MSH3: variants seen among roughly 807,000 people sequenced by gnomAD.
The protein encoded by MSH3 is mutS homolog 3, also known as DNA mismatch repair protein Msh3.
Under a neutral mutation model 123.3 loss-of-function variants are expected in MSH3, and 106 were observed. The ratio of observed to expected loss-of-function variants is 0.86; its 90% CI spans 0.73 to 1.01. MSH3 has a LOEUF of 1.01. MSH3 is among the 50% of genes least tolerant of loss of function. The pLI, the probability that MSH3 is intolerant of heterozygous loss-of-function variation, is 0.00. For synonymous variants in MSH3, 515 were observed against 481.4 expected, an observed-to-expected ratio of 1.07 and a Z score of -0.91; for missense variants, 1,459 against 1,347.6, an observed-to-expected ratio of 1.08 and a Z score of -1.29.
intron 21 of MSH3, among the ~76,000 whole-genome samples, chr5:80,863,045 G>A (rs993233571): frequency 6.6e-6 from 1 of 152,118 alleles, no homozygotes; most frequent in Non-Finnish European, 1.5e-5. Flanking sequence ...AAGGGAAAAG[G>A]TATAGTGAAG....
chr5:80,776,663 G>A (rs962440270), intron 16 of MSH3, among the ~76,000 whole-genome samples: 8 of 151,732 alleles, frequency 5.3e-5, no homozygotes, highest in African/African-American at 1.9e-4. Flanking sequence ...AAGGTATTAG[G>A]GAAGTATATA....
At chr5:80,687,053 A>G (rs1750107859) in intron 8 of MSH3, among the ~76,000 whole-genome samples, 1 of 152,178 alleles carries the variant, frequency 6.6e-6, no homozygotes, top group South Asian at 2.1e-4. Flanking sequence ...GTACAGGTTT[A>G]TTTACTTTGT....
intron 10 of MSH3, among the ~76,000 whole-genome samples, chr5:80,733,866 A>G (rs1267063625): frequency 6.6e-6 from 1 of 152,190 alleles, no homozygotes; most frequent in Non-Finnish European, 1.5e-5. Flanking sequence ...CATTGCCAAT[A>G]GGACTATAAA....
At chr5:80,809,924 C>T (rs887474623) in intron 19 of MSH3, among the ~76,000 whole-genome samples, 2 of 151,722 alleles carry the variant, frequency 1.3e-5, no homozygotes, top group Non-Finnish European at 2.9e-5. Context: ...TGATTTCAGC[C>T]AATGAAAAAG....
In MSH3 at chr5:80,864,916, G is replaced by A. The variant is rs763246818; in HGVS notation, c.3104G>A (p.Ser1035Asn). Residue 1035 changes from serine (S) to asparagine (N), a missense_variant, in exon 22 of 24, where the codon AGT becomes AAT. Physicochemically the swap from Ser to Asn is conservative, Grantham distance 46. Coordinates refer to ENST00000265081, the MANE Select transcript of MSH3 (RefSeq NM_002439.5). ...AATTACCACATGGGATTCTTGGTCA[G>A]TGAGGATGAAAGCAAACTGGATCCA... ...VGNYHMGFLV[S>N]EDESKLDPGA... is the part of the protein sequence containing the mutation. 3 of 1,613,990 alleles carry A rather than the reference G, an allele frequency of 1.9e-6. No homozygotes were observed. The highest frequency in any genetic ancestry group is 2.5e-6 in the Non-Finnish European group (3 of 1,179,870).
At chr5:80,781,312 G>A (rs1744405443) in intron 17 of MSH3, among the ~76,000 whole-genome samples, 1 of 151,932 alleles carries the variant, frequency 6.6e-6, no homozygotes, top group Admixed American at 6.6e-5. Context: ...ATTTGGTGAG[G>A]TAATTTCATG....
At chr5:80,815,652 G>A (rs1745088601) in intron 20 of MSH3, among the ~76,000 whole-genome samples, 1 of 152,130 alleles carries the variant, frequency 6.6e-6, no homozygotes, top group Non-Finnish European at 1.5e-5. Flanking sequence ...AAAAGGAGAA[G>A]GGACTGCCAT....
In MSH3 at chr5:80,744,646, C is replaced by A. The variant is rs745916464; in HGVS notation, c.1763+31C>A. The A allele has an allele frequency of 1.3e-6, 2 of 1,503,798 alleles. No homozygotes were observed. The highest frequency in any genetic ancestry group is 1.8e-6 in the Non-Finnish European group (2 of 1,084,450). 93.2% of individuals were successfully genotyped at this position (1,503,798 alleles called of 1,614,324 possible). ...AGGAATTCTTTTTGGGGTGTTTAAT[C>A]TGAAATTATAAAATTTTGAAATTAA... On this transcript the variant is annotated intron_variant, in intron 12 of 23. Transcript: ENST00000265081.
At chr5:80,765,272 T>C (rs1321859672) in intron 13 of MSH3, among the ~76,000 whole-genome samples, 1 of 152,200 alleles carries the variant, frequency 6.6e-6, no homozygotes, top group East Asian at 1.9e-4. Context: ...ATATTCAAAA[T>C]TATATTGAAA....
chr5:80,855,354 C>T (rs1745897777), intron 21 of MSH3, among the ~76,000 whole-genome samples: 1 of 152,004 alleles, frequency 6.6e-6, no homozygotes, highest in Admixed American at 6.6e-5. Flanking sequence ...TATTTCTTTT[C>T]AAAAAGCAAC....
intron 19 of MSH3, 130 bp from the exon 20 acceptor site, chr5:80,813,454 C>T (rs1420304512): frequency 1.6e-5 from 15 of 917,600 alleles, no homozygotes; most frequent in African/African-American, 6.6e-5. Context: ...GACAGAGGAC[C>T]GCTTTCCTTT....
chr5:80,722,350 C>T (rs1478618621), intron 8 of MSH3, among the ~76,000 whole-genome samples: 1 of 152,150 alleles, frequency 6.6e-6, no homozygotes, highest in Non-Finnish European at 1.5e-5. Flanking sequence ...AGTATCTTAA[C>T]TCAGTTGTTT....
At chr5:80,793,285 C>T (rs1220618009) in intron 19 of MSH3, among the ~76,000 whole-genome samples, 1 of 152,160 alleles carries the variant, frequency 6.6e-6, no homozygotes, top group African/African-American at 2.4e-5. Context: ...TCTTACATAA[C>T]ACAAATGATC....
chr5:80,777,880 A>G (rs151148069), intron 16 of MSH3, among the ~76,000 whole-genome samples: 1 of 152,156 alleles, frequency 6.6e-6, no homozygotes, highest in African/African-American at 2.4e-5. Context: ...CGCCACCACC[A>G]CCACCACCAC....
At chr5:80,826,429 A>G (rs928447549) in intron 20 of MSH3, among the ~76,000 whole-genome samples, 9 of 152,238 alleles carry the variant, frequency 5.9e-5, no homozygotes, top group African/African-American at 1.9e-4. Context: ...GCCATTTAGA[A>G]CACTAGGTTT....
intron 17 of MSH3, among the ~76,000 whole-genome samples, chr5:80,780,387 G>A (rs1424839287): frequency 6.6e-6 from 1 of 152,148 alleles, no homozygotes; most frequent in Non-Finnish European, 1.5e-5. Flanking sequence ...GTAAGGCTAA[G>A]TATCATACCC....
At chr5:80,816,300 A>G (rs1277925586) in intron 20 of MSH3, among the ~76,000 whole-genome samples, 2 of 152,024 alleles carry the variant, frequency 1.3e-5, no homozygotes, top group Non-Finnish European at 2.9e-5. Flanking sequence ...TCCTGATATG[A>G]TCTGGTCAGG....
intron 20 of MSH3, among the ~76,000 whole-genome samples, chr5:80,847,591 A>T (rs1214574449): frequency 6.6e-6 from 1 of 152,134 alleles, no homozygotes; most frequent in African/African-American, 2.4e-5. Context: ...CCCTTGCTTA[A>T]TGATGAATTT....
chr5:80,670,104 C>A lies in MSH3; in HGVS notation c.587C>A (p.Thr196Lys). ...ACATCTTTTGGTTGCCAGGACACAACACTTTTTGATCTCAGTCAGTTTGGA... is the reference window on the plus strand; with the variant it reads ...ACATCTTTTGGTTGCCAGGACACAAAACTTTTTGATCTCAGTCAGTTTGGA... ...SKRQINQKDTTLFDLSQFGSS... is the reference protein window; with the variant it reads ...SKRQINQKDTKLFDLSQFGSS... The change falls in exon 4 of 24, where the codon ACA becomes AAA. Residue 196 changes from threonine (T) to lysine (K), a missense_variant. Thr to Lys is a moderately conservative substitution (Grantham distance 78). Coordinates refer to ENST00000265081, the MANE Select transcript of MSH3 (RefSeq NM_002439.5). The A allele has an allele frequency of 3.1e-6, 5 of 1,614,048 alleles. No individual in the cohort carries two copies. The highest frequency in any genetic ancestry group is 4.2e-6 in the Non-Finnish European group (5 of 1,179,944).
Sources: gnomAD v4.1 joint callset for allele counts (sites outside exome capture counted in the v4.1 genomes callset) on GRCh38, gnomAD v4.1.1 for gene constraint, MANE v1.5 for transcripts, NCBI Gene and HGNC (gene_info 2026-07-23, HGNC 2026-07-21) for gene names.